GXYLT2: variants seen among roughly 807,000 people sequenced by gnomAD.
GXYLT2 encodes glucoside xylosyltransferase 2, also known as glycosyltransferase 8 domain containing 4.
Under a neutral mutation model 45.8 loss-of-function variants are expected in GXYLT2, and 53 were observed. That is an observed-to-expected ratio of 1.16 (90% confidence interval 0.93 to 1.46). GXYLT2 has a LOEUF of 1.46. GXYLT2 is among the 40% of genes most tolerant of loss of function. The pLI is 0.00. For synonymous variants in GXYLT2, 219 were observed against 214.2 expected (o/e 1.02, Z -0.19); for missense variants, 551 against 544.4 (o/e 1.01, Z -0.12).
intron 3 of GXYLT2, among the ~76,000 whole-genome samples, chr3:72,943,239 A>G (rs1207135103): frequency 6.6e-6 from 1 of 152,232 alleles, no homozygotes; most frequent in African/African-American, 2.4e-5. Context: ...TCTTGGAATA[A>G]CTTCTCAAAA....
At chr3:72,898,031 CTGG>C (rs1260807227) in intron 1 of GXYLT2, among the ~76,000 whole-genome samples, 1 of 152,160 alleles carries the variant, frequency 6.6e-6, no homozygotes, top group Non-Finnish European at 1.5e-5. Context: ...GGGTATAACT[CTGG>C]AAGACAGTAT....
rs1338221196 is a variant in GXYLT2 at position 72,975,272 on chromosome 3, G to A, written c.*113G>A. On this transcript the variant is annotated 3_prime_UTR_variant, in exon 7 of 7. Coordinates refer to ENST00000389617, the MANE Select transcript of GXYLT2 (RefSeq NM_001080393.2). The stretch of plus-strand genomic sequence containing the variant: ...TTTAATGGTGCTCCATGACTGTTGA[G>A]TTTTAAAAACCTCGTTAAATTTTGC... The A allele has an allele frequency of 1.4e-6, 1 of 720,122 alleles. No individual in the cohort carries two copies. Among genetic ancestry groups the A allele is most frequent in the East Asian group, 3.2e-5 (1 of 30,862 alleles). 44.6% of individuals were successfully genotyped at this position (720,122 alleles called of 1,614,324 possible).
At chr3:72,939,124 A>AT (rs1165679039) in intron 3 of GXYLT2, among the ~76,000 whole-genome samples, 2 of 152,252 alleles carry the variant, frequency 1.3e-5, no homozygotes, top group African/African-American at 4.8e-5. Flanking sequence ...TAAGGTAATA[A>AT]TTTAACAAAA....
intron 1 of GXYLT2, among the ~76,000 whole-genome samples, chr3:72,902,315 A>G (rs1178735353): frequency 6.6e-6 from 1 of 152,220 alleles, no homozygotes; most frequent in Admixed American, 6.5e-5. Flanking sequence ...ATGTTTGAGG[A>G]TCCTAGTTTC....
At chr3:72,950,594 C>T (rs1433607185) in intron 3 of GXYLT2, among the ~76,000 whole-genome samples, 1 of 151,716 alleles carries the variant, frequency 6.6e-6, no homozygotes, top group Non-Finnish European at 1.5e-5. Flanking sequence ...TGCACCACTG[C>T]ACTCCAACCT....
intron 3 of GXYLT2, among the ~76,000 whole-genome samples, chr3:72,940,619 G>T (rs181684786): frequency 6.6e-6 from 1 of 152,278 alleles, no homozygotes; most frequent in East Asian, 1.9e-4. Context: ...TGAATTGTTT[G>T]TATGTTTTTA....
intron 3 of GXYLT2, among the ~76,000 whole-genome samples, chr3:72,945,791 C>T (rs946238026): frequency 3.6e-4 from 55 of 152,214 alleles, no homozygotes; most frequent in Admixed American, 9.8e-4. Flanking sequence ...GGGCAGAATG[C>T]GCAGTGACTG....
chr3:72,937,535 T>A (rs551138809), intron 3 of GXYLT2, among the ~76,000 whole-genome samples: 1 of 152,338 alleles, frequency 6.6e-6, no homozygotes, highest in East Asian at 1.9e-4. Context: ...CTCATTTGCA[T>A]CCTCTTTACA....
intron 1 of GXYLT2, among the ~76,000 whole-genome samples, chr3:72,896,854 T>TA (rs112290225): frequency 0.011 from 1,580 of 145,070 alleles, 29 homozygotes; most frequent in African/African-American, 0.034. Flanking sequence ...TGTCTCACAT[T>TA]AAAAAAAAAA....
At chr3:72,889,323 C>T (rs993194801) in intron 1 of GXYLT2, among the ~76,000 whole-genome samples, 2 of 152,164 alleles carry the variant, frequency 1.3e-5, no homozygotes, top group African/African-American at 2.4e-5. Context: ...GTTTCATCTG[C>T]CCTTTCAAAA....
intron 1 of GXYLT2, among the ~76,000 whole-genome samples, chr3:72,901,818 C>G (rs1290889782): frequency 1.3e-5 from 2 of 151,918 alleles, no homozygotes; most frequent in East Asian, 3.9e-4. Context: ...GCCTCAGCCT[C>G]CCAAAGTGCT....
intron 3 of GXYLT2, among the ~76,000 whole-genome samples, chr3:72,946,465 A>G (rs530281759): frequency 1.3e-4 from 20 of 152,248 alleles, no homozygotes; most frequent in African/African-American, 4.8e-4. Context: ...TAGGTAGCTT[A>G]TAAACAACAG....
At chr3:72,919,660 C>T (rs1182637254) in intron 2 of GXYLT2, among the ~76,000 whole-genome samples, 9 of 152,220 alleles carry the variant, frequency 5.9e-5, no homozygotes, top group Non-Finnish European at 2.9e-5. Flanking sequence ...GAGGCTGAAG[C>T]AGGAGAATTG....
intron 1 of GXYLT2, among the ~76,000 whole-genome samples, chr3:72,895,656 G>C (rs1002327324): frequency 5.9e-5 from 9 of 152,116 alleles, no homozygotes; most frequent in African/African-American, 1.7e-4. Flanking sequence ...ATAATAAAAA[G>C]AAAAGAGACT....
At position 72,957,291 on chromosome 3, in the gene GXYLT2, C is replaced by T. The variant is rs745497512; in HGVS notation, c.915C>T (p.Tyr305=). ...TGTTGTACCCTCTGTACCAGAAGTA[C>T]AAGAATGCCATCACGTGGGGAGACC... ...EDMLYPLYQK[Y]KNAITWGDQD... The change falls in exon 5 of 7, where the codon TAC becomes TAT. Residue 305 remains tyrosine, a synonymous_variant. Coordinates refer to ENST00000389617, the MANE Select transcript of GXYLT2 (RefSeq NM_001080393.2). The T allele has an allele frequency of 4.3e-6, 7 of 1,612,912 alleles. No individual in the cohort carries two copies. The highest frequency in any genetic ancestry group is 1.1e-5 in the South Asian group (1 of 91,032).
chr3:72,907,991 A>G (rs1709542337), intron 1 of GXYLT2: 6 of 168,466 alleles, frequency 3.6e-5, no homozygotes, highest in Admixed American at 3.5e-4. Context: ...TTGCATTCAA[A>G]TCTAATTTCC....
At position 72,956,805 on chromosome 3, in the gene GXYLT2, G is replaced by C. The variant is rs199715829; in HGVS notation, c.853-424G>C. On this transcript the variant is annotated intron_variant, in intron 4 of 6. Coordinates refer to ENST00000389617, the MANE Select transcript of GXYLT2 (RefSeq NM_001080393.2). ...CCTGGGAGGCTGAGGCACGAGAATC[G>C]CTTGAACCCGGGAGGTGGAGGTTGC... 1.3e-4 allele frequency among the ~76,000 whole-genome samples: 19 copies of C among 151,782 alleles called. No individual in the cohort carries two copies. The East Asian group carries it at 3.3e-3, about 26-fold the overall frequency.
chr3:72,923,755 C>T (rs1300763995), intron 3 of GXYLT2, among the ~76,000 whole-genome samples: 1 of 152,164 alleles, frequency 6.6e-6, no homozygotes, highest in Non-Finnish European at 1.5e-5. Flanking sequence ...CATGGGGTTC[C>T]ATCCTGGTCT....
chr3:72,911,565 G>A (rs1415696720), intron 2 of GXYLT2, among the ~76,000 whole-genome samples: 2 of 152,078 alleles, frequency 1.3e-5, no homozygotes, highest in African/African-American at 4.8e-5. Context: ...TGTCAGAGTA[G>A]CCCTCTGGAG....
Sources: gnomAD v4.1 joint callset for allele counts (sites outside exome capture counted in the v4.1 genomes callset) on GRCh38, gnomAD v4.1.1 for gene constraint, MANE v1.5 for transcripts, NCBI Gene and HGNC (gene_info 2026-07-23, HGNC 2026-07-21) for gene names.